Variants in AGAP1 observed in about 807,000 individuals in gnomAD.
AGAP1 encodes the protein arf-GAP with GTPase, ANK repeat and PH domain-containing protein 1.
Under a neutral mutation model 105.3 loss-of-function variants are expected in AGAP1, and 29 were observed. The ratio of observed to expected loss-of-function variants is 0.28; its 90% CI spans 0.21 to 0.38. The LOEUF (loss-of-function observed/expected upper bound fraction) is 0.38, where lower values mean the gene tolerates loss of function less well. Ranked by LOEUF, AGAP1 falls within the 10% of genes least tolerant of loss-of-function variation. The pLI is 1.00. For synonymous variants in AGAP1, 509 were observed against 485.9 expected (o/e 1.05, Z -0.63); for missense variants, 998 against 1,165.1 (o/e 0.86, Z 2.09).
At position 235,963,159 on chromosome 2, in the gene AGAP1, C is replaced by T. The variant is rs915801723; in HGVS notation, c.1484-5303C>T. On this transcript the variant is annotated intron_variant, in intron 12 of 17. Coordinates refer to ENST00000304032, the MANE Select transcript of AGAP1 (RefSeq NM_001037131.3). This position sits in a 1 kb window ranked among gnomAD's most constrained non-coding sequence, Gnocchi z 5.1. ...CTTAGCTGCTTCCTCCAGGTGAGTCCGGGATTTCTCGGACTCACCAAGAGA... is the reference window on the plus strand; with the variant it reads ...CTTAGCTGCTTCCTCCAGGTGAGTCTGGGATTTCTCGGACTCACCAAGAGA... Among the ~76,000 whole-genome samples the T allele has an allele frequency of 6.6e-6, 1 of 152,184 alleles. No individual in the cohort carries two copies. Among genetic ancestry groups the T allele is most frequent in the Middle Eastern group, 3.4e-3 (1 of 294 alleles).
intron 1 of AGAP1, among the ~76,000 whole-genome samples, chr2:235,558,641 T>G (rs556291949): frequency 1.1e-4 from 17 of 152,320 alleles, no homozygotes; most frequent in African/African-American, 4.1e-4. Flanking sequence ...GAGTCTGGTT[T>G]TCCCATAGGA....
chr2:235,528,827 G>A (rs1448652530), intron 1 of AGAP1, among the ~76,000 whole-genome samples: 2 of 152,040 alleles, frequency 1.3e-5, no homozygotes, highest in African/African-American at 4.8e-5. Context: ...ACAGTCATGT[G>A]CCACCATGCC....
Position 235,777,630 on chromosome 2 carries a change from G to A in AGAP1, c.674-20129G>A, listed in dbSNP as rs762677302. 2.6e-5 allele frequency among the ~76,000 whole-genome samples: 4 copies of A among 152,254 alleles called. No homozygotes were observed. The highest frequency in any genetic ancestry group is 3.4e-3 in the Middle Eastern group (1 of 294). On this transcript the variant is annotated intron_variant, in intron 6 of 17. Transcript: ENST00000304032. This position sits in a 1 kb window ranked among gnomAD's most constrained non-coding sequence, Gnocchi z 5.1. The stretch of plus-strand genomic sequence containing the variant: ...TCCAATCGCCTTCTCAGAATCCGAC[G>A]CTGGTCCTAAGTGCCTTCAGCTGTC...
In AGAP1 at chr2:235,659,790, G is replaced by A. The variant is rs1185238763; in HGVS notation, c.164-49389G>A. Among the ~76,000 whole-genome samples, 2 of 152,340 alleles carry A rather than the reference G, an allele frequency of 1.3e-5. No homozygotes were observed. Among genetic ancestry groups the A allele is most frequent in the South Asian group, 2.1e-4 (1 of 4,828 alleles). ...TATATTTCTTTGTCTCTCAGTTGGGGCCCTGGCCTCTGCAGATAAGCCCTC... is the reference window on the plus strand; with the variant it reads ...TATATTTCTTTGTCTCTCAGTTGGGACCCTGGCCTCTGCAGATAAGCCCTC... On this transcript the variant is annotated intron_variant, in intron 1 of 17. Coordinates refer to ENST00000304032, the MANE Select transcript of AGAP1 (RefSeq NM_001037131.3). This position sits in a 1 kb window ranked among gnomAD's most constrained non-coding sequence, Gnocchi z 5.0.
Position 235,830,250 on chromosome 2 carries a change from G to A in AGAP1, c.1050+22919G>A, listed in dbSNP as rs559448989. Among the ~76,000 whole-genome samples the A allele has an allele frequency of 5.3e-5, 8 of 152,320 alleles. No individual in the cohort carries two copies. The highest frequency in any genetic ancestry group is 1.7e-4 in the African/African-American group (7 of 41,574). On this transcript the variant is annotated intron_variant, in intron 9 of 17. Coordinates refer to ENST00000304032, the MANE Select transcript of AGAP1 (RefSeq NM_001037131.3). This position sits in a 1 kb window ranked among gnomAD's most constrained non-coding sequence, Gnocchi z 5.5. ...ACCAGTGGGCCAGGCTACAGTCACCGTTTGAGTGCCCGTGGAGGATTGGTT... is the reference window on the plus strand; with the variant it reads ...ACCAGTGGGCCAGGCTACAGTCACCATTTGAGTGCCCGTGGAGGATTGGTT...
At chr2:236,085,280 G>A (rs2058898635) in intron 16 of AGAP1, among the ~76,000 whole-genome samples, 2 of 151,722 alleles carry the variant, frequency 1.3e-5, no homozygotes, top group Admixed American at 1.3e-4. Flanking sequence ...GAACTGGCCA[G>A]GACAAATAGA....
rs2051283012 is a variant in AGAP1 at position 235,905,928 on chromosome 2, G to A, written c.1156-2810G>A. 6.6e-6 allele frequency among the ~76,000 whole-genome samples: 1 copy of A among 152,122 alleles called. No homozygotes were observed. The highest frequency in any genetic ancestry group is 2.1e-4 in the South Asian group (1 of 4,826). The stretch of plus-strand genomic sequence containing the variant: ...AATAGTAACTTTCTTTCTGTCTTTG[G>A]TCTACATCCTCTCAAAGTTGATTAT... On this transcript the variant is annotated intron_variant, in intron 10 of 17. Transcript: ENST00000304032. This position sits in a 1 kb window ranked among gnomAD's most constrained non-coding sequence, Gnocchi z 4.2.
chr2:236,096,776 G>A lies in AGAP1; in HGVS notation c.2115-23416G>A, dbSNP rs1473089558. Among the ~76,000 whole-genome samples, 1 of 151,792 alleles carries A rather than the reference G, an allele frequency of 6.6e-6. No individual in the cohort carries two copies. The highest frequency in any genetic ancestry group is 6.6e-5 in the Admixed American group (1 of 15,234). On this transcript the variant is annotated intron_variant, in intron 16 of 17. Coordinates refer to ENST00000304032, the MANE Select transcript of AGAP1 (RefSeq NM_001037131.3). The surrounding 1 kb of genome is among the most constrained non-coding windows in gnomAD (Gnocchi z 4.4). The stretch of plus-strand genomic sequence containing the variant: ...TGTATTTTATTTTAGTAGAAATGGA[G>A]TTTCACCGTGTTGGCCAGGCTGGTC...
intron 16 of AGAP1, among the ~76,000 whole-genome samples, chr2:236,098,857 G>A (rs1256578601): frequency 6.6e-6 from 1 of 151,526 alleles, no homozygotes; most frequent in Non-Finnish European, 1.5e-5. Context: ...TCTTGGCTTC[G>A]AGTGATCTTG....
intron 12 of AGAP1, among the ~76,000 whole-genome samples, chr2:235,950,564 C>G (rs931529937): frequency 4.6e-5 from 7 of 151,902 alleles, no homozygotes; most frequent in Admixed American, 3.3e-4. Context: ...CGATTTTAAC[C>G]TCACCCCAGG....
rs558211212 is a variant in AGAP1, at chr2:235,842,205, T to C, written c.1050+34874T>C. ...GTGCTCTGGAGCAAGAGTTCTTCACTGTGGTTCTGTAGATAGAATTCAGGG... is the reference window on the plus strand; with the variant it reads ...GTGCTCTGGAGCAAGAGTTCTTCACCGTGGTTCTGTAGATAGAATTCAGGG... On this transcript the variant is annotated intron_variant, in intron 9 of 17. Transcript: ENST00000304032. The surrounding 1 kb of genome is among the most constrained non-coding windows in gnomAD (Gnocchi z 5.3). Among the ~76,000 whole-genome samples, 21 of 152,316 alleles carry C rather than the reference T, an allele frequency of 1.4e-4. No homozygotes were observed. Among genetic ancestry groups the C allele is most frequent in the African/African-American group, 4.6e-4 (19 of 41,576 alleles).
In AGAP1 at chr2:235,704,969, C is replaced by CTTTTTT. The variant is rs969370505; in HGVS notation, c.164-4188_164-4183dup. On this transcript the variant is annotated intron_variant, in intron 1 of 17. Coordinates refer to ENST00000304032, the MANE Select transcript of AGAP1 (RefSeq NM_001037131.3). ...ATTGTAAAATACAAGATGCTTTTTTCTTTTTTTTTTTTTTTTTTTTTTTTT... is the reference window on the plus strand; with the variant it reads ...ATTGTAAAATACAAGATGCTTTTTTCTTTTTTTTTTTTTTTTTTTTTTTTTTTTTTT... Among the ~76,000 whole-genome samples the CTTTTTT allele has an allele frequency of 2.0e-4, 12 of 59,694 alleles. 1 individual carries two copies. Among genetic ancestry groups the CTTTTTT allele is most frequent in the East Asian group, 4.7e-4 (1 of 2,146 alleles). 39.2% of individuals were successfully genotyped at this position (59,694 alleles called of 152,430 possible). A position where few individuals can be genotyped will look rare whatever the true frequency, so the allele number is the denominator to read the frequency against.
chr2:236,073,691 T>A lies in AGAP1; in HGVS notation c.2114+24410T>A, dbSNP rs560837099. Among the ~76,000 whole-genome samples, 1 of 152,282 alleles carries A rather than the reference T, an allele frequency of 6.6e-6. No homozygotes were observed. The highest frequency in any genetic ancestry group is 2.1e-4 in the South Asian group (1 of 4,828). ...AACTCCAGGGCCCACCACAGCAACT[T>A]TGAGCTTAGATGCCACTTAACCTTT... On this transcript the variant is annotated intron_variant, in intron 16 of 17. Transcript: ENST00000304032. This position sits in a 1 kb window ranked among gnomAD's most constrained non-coding sequence, Gnocchi z 5.4.
rs529647352 is a variant in AGAP1, at chr2:235,705,734, G to A, written c.164-3445G>A. Among the ~76,000 whole-genome samples, 4 of 152,316 alleles carry A rather than the reference G, an allele frequency of 2.6e-5. No individual in the cohort carries two copies. The South Asian group carries it at 6.2e-4, about 24-fold the overall frequency. On this transcript the variant is annotated intron_variant, in intron 1 of 17. Transcript: ENST00000304032. The surrounding 1 kb of genome is among the most constrained non-coding windows in gnomAD (Gnocchi z 4.9). ...GAAGAGTTTTGGCCAATTGAGTCAA[G>A]CATTTATTTTATTACTCTTATTGCC...
intron 1 of AGAP1, among the ~76,000 whole-genome samples, chr2:235,505,580 A>C (rs1474353232): frequency 6.6e-6 from 1 of 152,128 alleles, no homozygotes; most frequent in Non-Finnish European, 1.5e-5. Flanking sequence ...GAGAACAGGC[A>C]GATGTGTGGG....
Position 235,996,932 on chromosome 2 carries a change from A to G in AGAP1, c.1645+28309A>G, listed in dbSNP as rs567073778. Among the ~76,000 whole-genome samples the G allele has an allele frequency of 4.6e-5, 7 of 152,284 alleles. No homozygotes were observed. In the South Asian group the frequency reaches 1.4e-3, roughly 32 times the overall value. ...ATTTATCAGAAAAAATAATTCCACC[A>G]CTAGCTAAGTGTAGGAGAAGAAAAA... On this transcript the variant is annotated intron_variant, in intron 13 of 17. Transcript: ENST00000304032.
chr2:235,580,438 C>T (rs942196162), intron 1 of AGAP1, among the ~76,000 whole-genome samples: 10 of 135,288 alleles, frequency 7.4e-5, no homozygotes, highest in Non-Finnish European at 1.1e-4. Flanking sequence ...GCTTTTCCCT[C>T]GGTGCTTGTT....
rs1313880074 is a variant in AGAP1 at position 236,051,966 on chromosome 2, T to A, written c.2114+2685T>A. Among the ~76,000 whole-genome samples the A allele has an allele frequency of 6.6e-6, 1 of 152,110 alleles. No homozygotes were observed. The highest frequency in any genetic ancestry group is 1.5e-5 in the Non-Finnish European group (1 of 68,004). Reference sequence around the variant, plus strand: ...AAAATGGAAAAGTGAAAGTCGGGGCTGGAATCTCCGCAAGCCGGTCTGTCC... The same window carrying A: ...AAAATGGAAAAGTGAAAGTCGGGGCAGGAATCTCCGCAAGCCGGTCTGTCC... On this transcript the variant is annotated intron_variant, in intron 16 of 17. Transcript: ENST00000304032. This position sits in a 1 kb window ranked among gnomAD's most constrained non-coding sequence, Gnocchi z 5.9.
rs1447396389 is a variant in AGAP1 at position 236,126,712 on chromosome 2, T to C, written c.*2590T>C. 1 of 152,122 alleles carries C rather than the reference T, an allele frequency of 6.6e-6. No homozygotes were observed. Among genetic ancestry groups the C allele is most frequent in the Non-Finnish European group, 1.5e-5 (1 of 68,026 alleles). 9.4% of individuals were successfully genotyped at this position (152,122 alleles called of 1,614,324 possible). A position where few individuals can be genotyped will look rare whatever the true frequency, so the allele number is the denominator to read the frequency against. ...CCATCTGCTCCACTCCGCAGCCACT[T>C]TCTAGGGCCCAAGTTTTGGTAGCAG... On this transcript the variant is annotated 3_prime_UTR_variant, in exon 18 of 18. Coordinates refer to ENST00000304032, the MANE Select transcript of AGAP1 (RefSeq NM_001037131.3).
Sources: gnomAD v4.1 joint callset for allele counts (sites outside exome capture counted in the v4.1 genomes callset) on GRCh38, gnomAD v4.1.1 for gene constraint, Gnocchi (gnomAD v3.1) non-coding constraint, MANE v1.5 for transcripts, NCBI Gene and HGNC (gene_info 2026-07-23, HGNC 2026-07-21) for gene names.